The following PREPL variants were observed in gnomAD, a reference collection of about 807,000 sequenced individuals.
PREPL encodes prolyl endopeptidase like.
Under a neutral mutation model 70.6 loss-of-function variants are expected in PREPL, and 77 were observed. The ratio of observed to expected loss-of-function variants is 1.09; its 90% CI spans 0.91 to 1.32. PREPL has a LOEUF of 1.32. PREPL is among the 40% of genes most tolerant of loss of function. The probability of loss-of-function intolerance (pLI) is 0.00; values close to 1 mark genes in which losing one functional copy is unlikely to be tolerated. For missense variants in PREPL, 1,002 were observed against 778.2 expected (o/e 1.29, Z -3.42); for synonymous variants, 315 against 264.8 (o/e 1.19, Z -1.84).
intron 1 of PREPL, chr2:44,347,160 G>A (rs140118407): frequency 3.3e-5 from 5 of 151,924 alleles, no homozygotes; most frequent in East Asian, 3.9e-4. Flanking sequence ...GCGAGACCCC[G>A]TCTCTATAAA....
At chr2:44,359,182 C>T (rs551996362) in intron 1 of PREPL, among the ~76,000 whole-genome samples, 2 of 151,102 alleles carry the variant, frequency 1.3e-5, no homozygotes, top group African/African-American at 2.4e-5. Context: ...GATTCTCTGC[C>T]TCAGCCTCCC....
At chr2:44,343,699 T>A (rs1487412112) in intron 4 of PREPL, 46 bp downstream of exon 4, 1 of 1,535,278 alleles carries the variant, frequency 6.5e-7, no homozygotes, top group Non-Finnish European at 9.0e-7. Flanking sequence ...TCAAAAGTGT[T>A]ACCGTTGCCT....
chr2:44,323,151 A>C, intron 11 of PREPL, 111 bp downstream of exon 11: 1 of 1,096,628 alleles, frequency 9.1e-7, no homozygotes, highest in Non-Finnish European at 1.3e-6. Context: ...TTTGGGCATC[A>C]TAAGTAGAAA....
chr2:44,318,991 A>G lies in PREPL; in HGVS notation c.*2365T>C, dbSNP rs1323909113. ...AAAGTAGTAACTCAAGTAGACAATA[A>G]TAGCTAACACTTACCGGGCACTTCT... On this transcript the variant is annotated 3_prime_UTR_variant, in exon 14 of 14. Transcript: ENST00000409411. 1.3e-5 allele frequency: 2 copies of G among 152,248 alleles called. No individual in the cohort carries two copies. Among genetic ancestry groups the G allele is most frequent in the Admixed American group, 1.3e-4 (2 of 15,276 alleles). The allele number at this position is 152,248 out of a possible 1,614,324, so 9.4% of individuals were successfully genotyped here.
In PREPL at chr2:44,342,529, C is replaced by G; in HGVS notation, c.373G>C (p.Glu125Gln). The G allele has an allele frequency of 6.2e-7, 1 of 1,608,484 alleles. No homozygotes were observed. The highest frequency in any genetic ancestry group is 8.5e-7 in the Non-Finnish European group (1 of 1,176,964). ...SFEWVKDEED[E>Q]DVLFYTFQRN... is the part of the protein sequence containing the mutation. ...TGGAAGGTGTAGAATAAAACATCTT[C>G]ATCTTCCTCGTCCTTTACCCATTCT... The change falls in exon 5 of 14, where the codon GAA becomes CAA. Residue 125 changes from glutamate to glutamine, a missense_variant. Glu to Gln is a conservative substitution (Grantham distance 29). Transcript: ENST00000409411.
In PREPL at chr2:44,320,687, A is replaced by C; in HGVS notation, c.*669T>G. The C allele has an allele frequency of 2.1e-6, 3 of 1,423,104 alleles. No homozygotes were observed. The highest frequency in any genetic ancestry group is 3.0e-6 in the Non-Finnish European group (3 of 1,006,516). The allele number at this position is 1,423,104 out of a possible 1,614,324, so 88.2% of individuals were successfully genotyped here. ...ACACTGGCATTTCAGTGGGATTGTAAGCATTTGTAATAGCTTCATGTACAG... is the reference window on the plus strand; with the variant it reads ...ACACTGGCATTTCAGTGGGATTGTACGCATTTGTAATAGCTTCATGTACAG... On this transcript the variant is annotated 3_prime_UTR_variant, in exon 14 of 14. Transcript: ENST00000409411.
In PREPL at chr2:44,322,792, AATT is replaced by A. The variant is rs747397545; in HGVS notation, c.1689_1691del (p.Ile564del). On this transcript the variant is annotated inframe_deletion, in exon 12 of 14. Transcript: ENST00000409411. Reference sequence around the variant, plus strand: ...CCTTGAGTTTCTCAGTATAACTTACAATTCCTTTCAGAGGTACCCGTTCATCGT... The same window carrying A: ...CCTTGAGTTTCTCAGTATAACTTACACCTTTCAGAGGTACCCGTTCATCGT... 1.2e-6 allele frequency: 2 copies of A among 1,613,802 alleles called. No homozygotes were observed. The highest frequency in any genetic ancestry group is 2.7e-5 in the African/African-American group (2 of 74,902).
chr2:44,331,271 G>A (rs1674057258), intron 8 of PREPL, among the ~76,000 whole-genome samples: 1 of 151,902 alleles, frequency 6.6e-6, no homozygotes, highest in Non-Finnish European at 1.5e-5. Flanking sequence ...CTGGAGAGCA[G>A]TGGTGAGGTC....
intron 4 of PREPL, 38 bp downstream of exon 4, chr2:44,343,707 C>T (rs757916526): frequency 1.3e-6 from 2 of 1,556,556 alleles, no homozygotes; most frequent in South Asian, 1.1e-5. Context: ...GTTACCGTTG[C>T]CTTTCAACAC....
intron 1 of PREPL, among the ~76,000 whole-genome samples, chr2:44,352,094 G>T (rs1017090450): frequency 6.6e-6 from 1 of 152,130 alleles, no homozygotes; most frequent in Non-Finnish European, 1.5e-5. Context: ...CCTCCTTAAA[G>T]CTATTGCTCA....
intron 10 of PREPL, among the ~76,000 whole-genome samples, chr2:44,325,271 C>G (rs911413815): frequency 6.6e-6 from 1 of 152,194 alleles, no homozygotes; most frequent in African/African-American, 2.4e-5. Context: ...TTCAAAGAAG[C>G]AGTGATCACA....
chr2:44,360,614 G>C (rs78124915), intron 1 of PREPL: 2 of 152,212 alleles, frequency 1.3e-5, no homozygotes, highest in African/African-American at 2.4e-5. Context: ...AAGAGTCAGA[G>C]AGACCTGGGT....
At position 44,359,482 on chromosome 2, in the gene PREPL, T is replaced by C. The variant is rs77060839; in HGVS notation, c.-49+1898A>G. On this transcript the variant is annotated intron_variant, in intron 1 of 13. Transcript: ENST00000409411. ...CTTAATGACCTACAAATAGGTTAAC[T>C]TAAACAGTCCATACCTTACATGAGA... 0.059 allele frequency: 93,009 copies of C among 1,564,932 alleles called. 3,505 individuals are homozygous for C. Among genetic ancestry groups the C allele is most frequent in the South Asian group, 0.15 (13,476 of 88,548 alleles).
At chr2:44,332,163 G>C (rs1163180243) in intron 8 of PREPL, among the ~76,000 whole-genome samples, 1 of 151,818 alleles carries the variant, frequency 6.6e-6, no homozygotes, top group Non-Finnish European at 1.5e-5. Context: ...AGCCAGGATG[G>C]TCTCGATCTC....
intron 7 of PREPL, among the ~76,000 whole-genome samples, chr2:44,332,931 T>C (rs545634170): frequency 6.6e-6 from 1 of 152,352 alleles, no homozygotes; most frequent in South Asian, 2.1e-4. Flanking sequence ...CATAAAAGTT[T>C]ATTTTGGGGT....
In PREPL at chr2:44,346,249, A is replaced by C; in HGVS notation, c.75+19T>G. The C allele has an allele frequency of 6.3e-7, 1 of 1,591,074 alleles. No individual in the cohort carries two copies. Among genetic ancestry groups the C allele is most frequent in the Non-Finnish European group, 8.5e-7 (1 of 1,172,668 alleles). ...TGGTAATATCAAAAATTTTTTTTTAAAGACATGAGATATCTTACTTCCACA... is the reference window on the plus strand; with the variant it reads ...TGGTAATATCAAAAATTTTTTTTTACAGACATGAGATATCTTACTTCCACA... On this transcript the variant is annotated intron_variant, in intron 2 of 13. Coordinates refer to ENST00000409411, the MANE Select transcript of PREPL (RefSeq NM_001171613.2).
rs147101630 is a variant in PREPL at position 44,353,574 on chromosome 2, C to T, written c.-48-7184G>A. Reference sequence around the variant, plus strand: ...CTGCACTCCAACCTGGGCGACAGAGCGAGACTCCATCTCAAAAAATAAATA... The same window carrying T: ...CTGCACTCCAACCTGGGCGACAGAGTGAGACTCCATCTCAAAAAATAAATA... On this transcript the variant is annotated intron_variant, in intron 1 of 13. Transcript: ENST00000409411. Among the ~76,000 whole-genome samples the T allele has an allele frequency of 1.1e-3, 167 of 150,276 alleles. 2 individuals carry two copies. The highest frequency in any genetic ancestry group is 3.9e-3 in the African/African-American group (159 of 40,994).
At position 44,326,656 on chromosome 2, in the gene PREPL, G is replaced by T. The variant is rs1226271664; in HGVS notation, c.1479+56C>A. ...GCCCAAAAACATTTTTCTTAGAGTA[G>T]CCTATGGCTTCACACCTCCCCCATT... On this transcript the variant is annotated intron_variant, in intron 10 of 13. Transcript: ENST00000409411. 1.9e-6 allele frequency: 3 copies of T among 1,542,836 alleles called. No individual in the cohort carries two copies. In the African/African-American group the frequency reaches 4.1e-5, roughly 21 times the overall value.
intron 8 of PREPL, among the ~76,000 whole-genome samples, chr2:44,330,694 T>A (rs1254787861): frequency 1.3e-5 from 2 of 152,244 alleles, no homozygotes; most frequent in African/African-American, 4.8e-5. Context: ...GCTTGTGTTG[T>A]AATTCATTGT....
Sources: allele counts gnomAD v4.1 joint callset (sites outside exome capture counted in the v4.1 genomes callset), GRCh38; gene constraint gnomAD v4.1.1; transcripts MANE v1.5; gene names NCBI Gene and HGNC (gene_info 2026-07-23, HGNC 2026-07-21).